SLX4IP: variants seen among roughly 807,000 people sequenced by gnomAD.
The protein encoded by SLX4IP is SLX4 interacting protein.
SLX4IP carries 34 observed loss-of-function variants against 32.9 expected under a neutral mutation model. That is an observed-to-expected ratio of 1.03 (90% CI 0.79 to 1.38). The LOEUF (loss-of-function observed/expected upper bound fraction) is 1.38, where lower values mean the gene tolerates loss of function less well. SLX4IP is among the 40% of genes most tolerant of loss of function. The pLI is 0.00. For synonymous variants in SLX4IP, 172 were observed against 171.7 expected, an observed-to-expected ratio of 1.00 and a Z score of -0.01; for missense variants, 444 against 479.0, an observed-to-expected ratio of 0.93 and a Z score of 0.68.
At position 10,567,730 on chromosome 20, in the gene SLX4IP, A is replaced by G. The variant is rs185612698; in HGVS notation, c.238+6910A>G. Among the ~76,000 whole-genome samples the G allele has an allele frequency of 5.9e-5, 9 of 152,340 alleles. No homozygotes were observed. In the East Asian group the frequency reaches 9.6e-4, roughly 16 times the overall value. The stretch of plus-strand genomic sequence containing the variant: ...TTCTTGATGACCCTCTCTTCAAACT[A>G]TTAACCACTGCCAGTGAATCAGTAT... On this transcript the variant is annotated intron_variant, in intron 4 of 7. Coordinates refer to ENST00000334534, the MANE Select transcript of SLX4IP (RefSeq NM_001009608.3).
chr20:10,443,977 C>T (rs1015671154), intron 1 of SLX4IP, among the ~76,000 whole-genome samples: 3 of 152,164 alleles, frequency 2.0e-5, no homozygotes, highest in Non-Finnish European at 2.9e-5. Flanking sequence ...TGGAGAACTG[C>T]GAGCCAGTTA....
chr20:10,595,428 C>G (rs942919916), intron 4 of SLX4IP, among the ~76,000 whole-genome samples: 1 of 152,176 alleles, frequency 6.6e-6, no homozygotes, highest in Non-Finnish European at 1.5e-5. Flanking sequence ...GCTCTGCTGA[C>G]TCAGGTTTTC....
intron 2 of SLX4IP, among the ~76,000 whole-genome samples, chr20:10,472,379 T>C (rs1359208305): frequency 1.3e-5 from 2 of 151,988 alleles, no homozygotes; most frequent in African/African-American, 4.8e-5. Flanking sequence ...TACAGTCGCC[T>C]GCCACCACGC....
intron 6 of SLX4IP, among the ~76,000 whole-genome samples, chr20:10,605,518 G>A (rs1215430487): frequency 6.6e-6 from 1 of 152,052 alleles, no homozygotes; most frequent in Admixed American, 6.5e-5. Flanking sequence ...CTCTTCTGCC[G>A]TTCCTCAGAA....
At chr20:10,533,947 A>G (rs920844742) in intron 2 of SLX4IP, among the ~76,000 whole-genome samples, 1 of 151,944 alleles carries the variant, frequency 6.6e-6, no homozygotes, top group Admixed American at 6.6e-5. Context: ...AATTTTCACC[A>G]TTAATTTTGT....
At chr20:10,569,460 C>T (rs865958170) in intron 4 of SLX4IP, among the ~76,000 whole-genome samples, 3 of 152,128 alleles carry the variant, frequency 2.0e-5, no homozygotes, top group African/African-American at 7.2e-5. Flanking sequence ...CCACTGTGCC[C>T]GACCCAGATC....
At chr20:10,523,595 A>AG (rs1419063657) in intron 2 of SLX4IP, among the ~76,000 whole-genome samples, 1 of 152,260 alleles carries the variant, frequency 6.6e-6, no homozygotes, top group Non-Finnish European at 1.5e-5. Context: ...TAAGCACCAT[A>AG]GAAGACAGGG....
intron 2 of SLX4IP, among the ~76,000 whole-genome samples, chr20:10,511,001 C>A (rs1209311272): frequency 6.6e-6 from 1 of 152,148 alleles, no homozygotes; most frequent in Non-Finnish European, 1.5e-5. Flanking sequence ...AACCACTGGG[C>A]CTGTTGTTGG....
intron 2 of SLX4IP, among the ~76,000 whole-genome samples, chr20:10,495,429 GT>G (rs1381303688): frequency 6.6e-6 from 1 of 152,110 alleles, no homozygotes; most frequent in African/African-American, 2.4e-5. Flanking sequence ...CATGGTCGGG[GT>G]TTTGTAAATG....
intron 1 of SLX4IP, among the ~76,000 whole-genome samples, chr20:10,451,747 T>C (rs2065244181): frequency 6.6e-6 from 1 of 151,818 alleles, no homozygotes; most frequent in South Asian, 2.1e-4. Flanking sequence ...GGCGGGTGAA[T>C]CATGAGGTCA....
chr20:10,471,778 C>G (rs2065426934), intron 2 of SLX4IP, among the ~76,000 whole-genome samples: 1 of 152,186 alleles, frequency 6.6e-6, no homozygotes, highest in Admixed American at 6.5e-5. Flanking sequence ...GTCAATCACT[C>G]AGATGCATTT....
Position 10,623,540 on chromosome 20 carries a change from G to A in SLX4IP, c.*161G>A. 2 of 1,109,472 alleles carry A rather than the reference G, an allele frequency of 1.8e-6. No individual in the cohort carries two copies. Among genetic ancestry groups the A allele is most frequent in the South Asian group, 1.8e-5 (1 of 56,282 alleles). 68.7% of individuals were successfully genotyped at this position (1,109,472 alleles called of 1,614,324 possible). On this transcript the variant is annotated 3_prime_UTR_variant, in exon 8 of 8. Transcript: ENST00000334534. ...GTTATGGCTATGGTTTGTTTTCAAA[G>A]CATTTCAAACCGGGAGGCTATATGC...
chr20:10,608,223 C>T (rs1374955111), intron 6 of SLX4IP, among the ~76,000 whole-genome samples: 1 of 152,208 alleles, frequency 6.6e-6, no homozygotes, highest in Non-Finnish European at 1.5e-5. Flanking sequence ...TGACCACTGC[C>T]TCTCCCCTTA....
At chr20:10,591,482 G>A (rs1568758876) in intron 4 of SLX4IP, among the ~76,000 whole-genome samples, 1 of 152,168 alleles carries the variant, frequency 6.6e-6, no homozygotes, top group Non-Finnish European at 1.5e-5. Context: ...GTATGCACAG[G>A]AAATTTGAAA....
chr20:10,501,397 G>C (rs1340985077), intron 2 of SLX4IP, among the ~76,000 whole-genome samples: 2 of 152,102 alleles, frequency 1.3e-5, no homozygotes, highest in Non-Finnish European at 2.9e-5. Context: ...AAAGGAACCA[G>C]AGCTAAAAAA....
At chr20:10,595,414 A>G (rs920536086) in intron 4 of SLX4IP, among the ~76,000 whole-genome samples, 9 of 152,182 alleles carry the variant, frequency 5.9e-5, no homozygotes, top group African/African-American at 1.9e-4. Flanking sequence ...TATGATTTCC[A>G]TTTGCTCTGC....
chr20:10,509,210 TCTGA>T (rs1317823382), intron 2 of SLX4IP, among the ~76,000 whole-genome samples: 1 of 152,244 alleles, frequency 6.6e-6, no homozygotes, highest in Non-Finnish European at 1.5e-5. Flanking sequence ...ATTAGGGTAC[TCTGA>T]CTGTGAAATT....
chr20:10,480,892 C>G (rs765495868), intron 2 of SLX4IP, among the ~76,000 whole-genome samples: 52 of 152,144 alleles, frequency 3.4e-4, no homozygotes, highest in Non-Finnish European at 6.9e-4. Context: ...TCTCTCAGAG[C>G]TTTGTAACAA....
intron 4 of SLX4IP, among the ~76,000 whole-genome samples, chr20:10,590,309 AACCCTTGAGTATCATTTTATTTTATTTT>A (rs2066692836): frequency 6.6e-6 from 1 of 152,022 alleles, no homozygotes; most frequent in South Asian, 2.1e-4. Context: ...TATTGAGTCA[AACCCTTGAGTATCATTTTATTTTATTTT>A]ATTTATGTAT....
Sources: gnomAD v4.1 joint callset for allele counts (sites outside exome capture counted in the v4.1 genomes callset) on GRCh38, gnomAD v4.1.1 for gene constraint, MANE v1.5 for transcripts, NCBI Gene and HGNC (gene_info 2026-07-23, HGNC 2026-07-21) for gene names.